HOOK2: variants seen among roughly 807,000 people sequenced by gnomAD.
HOOK2 encodes the protein hook microtubule tethering protein 2.
A neutral mutation model predicts 111.9 loss-of-function variants in HOOK2; 108 were observed. The ratio of observed to expected loss-of-function variants is 0.96; its 90% CI spans 0.83 to 1.13. HOOK2 has a LOEUF of 1.13. Ranked by LOEUF, HOOK2 falls within the 50% of genes most tolerant of loss-of-function variation. The pLI is 0.00. For synonymous variants in HOOK2, 405 were observed against 394.3 expected, an observed-to-expected ratio of 1.03 and a Z score of -0.32; for missense variants, 978 against 951.3, an observed-to-expected ratio of 1.03 and a Z score of -0.37.
Position 12,775,509 on chromosome 19 carries a change from C to T in HOOK2, c.-60G>A. ...CCCGGCGCCGCAGCAGCCTCCGGGTCCGCCACCAGCGAGCGCCCGCAGCCC... is the reference window on the plus strand; with the variant it reads ...CCCGGCGCCGCAGCAGCCTCCGGGTTCGCCACCAGCGAGCGCCCGCAGCCC... On this transcript the variant is annotated 5_prime_UTR_variant, in exon 1 of 23. Coordinates refer to ENST00000397668, the MANE Select transcript of HOOK2 (RefSeq NM_013312.3). The T allele has an allele frequency of 3.8e-6, 6 of 1,564,180 alleles. No individual in the cohort carries two copies. The highest frequency in any genetic ancestry group is 5.2e-6 in the Non-Finnish European group (6 of 1,157,492).
At chr19:12,770,264 A>G (rs2145752326) in intron 10 of HOOK2, among the ~76,000 whole-genome samples, 182 bp from the exon 11 acceptor site, 1 of 152,110 alleles carries the variant, frequency 6.6e-6, no homozygotes, top group East Asian at 1.9e-4. Flanking sequence ...GAGTCATTAC[A>G]GCAATGGTTA....
At chr19:12,788,926 C>T (rs1223158327) in intron 3 of HOOK2, among the ~76,000 whole-genome samples, 1 of 152,030 alleles carries the variant, frequency 6.6e-6, no homozygotes, top group Non-Finnish European at 1.5e-5. Context: ...CAGGGACCCT[C>T]CAAGGACGGG....
At chr19:12,781,936 C>T (rs991611167), upstream of HOOK2, among the ~76,000 whole-genome samples, 1 of 151,978 alleles carries the variant, frequency 6.6e-6, no homozygotes, top group African/African-American at 2.4e-5. Flanking sequence ...AATTCCTGGC[C>T]TCAAGTGATC....
chr19:12,792,197 C>T lies in HOOK2; in HGVS notation n.42-17972G>A, dbSNP rs1167338253. ...GCTTCGCCGACGGCTTTGTCAAAGC[C>T]CTGGACGATCTGCACAAGATGAACC... On this transcript the variant is annotated intron_variant and non_coding_transcript_variant, in intron 3 of 3. Coordinates refer to the HOOK2 transcript ENST00000589765. 7.0e-6 allele frequency: 11 copies of T among 1,574,726 alleles called. No homozygotes were observed. The East Asian group carries it at 2.1e-4, about 30-fold the overall frequency.
At chr19:12,788,395 T>C (rs145223111) in intron 3 of HOOK2, among the ~76,000 whole-genome samples, 120 of 152,304 alleles carry the variant, frequency 7.9e-4, no homozygotes, top group African/African-American at 2.5e-3. Flanking sequence ...CATGTAAGTG[T>C]TGGCTATTAA....
At chr19:12,775,085 T>C (rs1390280770) in intron 1 of HOOK2, 188 bp from the exon 2 acceptor site, 2 of 774,828 alleles carry the variant, frequency 2.6e-6, no homozygotes, top group Admixed American at 6.3e-5. Context: ...ACCTCACCTC[T>C]GCCCAACAAA....
chr19:12,765,794 G>A lies in HOOK2; in HGVS notation c.1605+35C>T, dbSNP rs183306097. ...CCTAATTCTTCCTTCCCAGGGTGAG[G>A]GTAGGGGGTGCCATCCTGGGCCCAT... On this transcript the variant is annotated intron_variant, in intron 17 of 22. Transcript: ENST00000397668. 4.3e-5 allele frequency: 70 copies of A among 1,613,976 alleles called. No homozygotes were observed. The African/African-American group carries it at 8.0e-4, about 18-fold the overall frequency.
intron 6 of HOOK2, 31 bp from the exon 7 acceptor site, chr19:12,772,283 C>G (rs369290981): frequency 6.2e-7 from 1 of 1,608,448 alleles, no homozygotes; most frequent in Middle Eastern, 1.7e-4. Flanking sequence ...TTGTAATGAA[C>G]TGGATATCTG....
upstream of HOOK2, among the ~76,000 whole-genome samples, chr19:12,781,583 C>T (rs1968602980): frequency 6.6e-6 from 1 of 152,086 alleles, no homozygotes; most frequent in Non-Finnish European, 1.5e-5. Flanking sequence ...GCCTTGGCCT[C>T]CCAAAGTGCT....
chr19:12,776,939 C>T (rs916823888), upstream of HOOK2, among the ~76,000 whole-genome samples: 20 of 151,784 alleles, frequency 1.3e-4, no homozygotes, highest in Non-Finnish European at 1.3e-4. Flanking sequence ...AGGCGGATCA[C>T]GAGGTCAGGA....
chr19:12,771,895 A>G (rs1180616920), intron 7 of HOOK2: 9 of 394,122 alleles, frequency 2.3e-5, no homozygotes, highest in Non-Finnish European at 2.7e-5. Context: ...AAAAAAAAAA[A>G]AAAAGAAAAA....
At position 12,767,845 on chromosome 19, in the gene HOOK2, T is replaced by C. The variant is rs376460353; in HGVS notation, c.1274A>G (p.Gln425Arg). 2.5e-6 allele frequency: 4 copies of C among 1,605,240 alleles called. No individual in the cohort carries two copies. Among genetic ancestry groups the C allele is most frequent in the Admixed American group, 3.3e-5 (2 of 59,988 alleles). ...CTGGGTCAACCCCCGCGGCTGCAGC[T>C]GGGCGCAGCGCAGCTCCTCATTGGC... ...REANEELRCA[Q>R]LQPRGLTQAD... Residue 425 changes from glutamine (Q) to arginine (R), a missense_variant, in exon 13 of 23, where the codon CAG becomes CGG. Physicochemically the swap from Gln to Arg is conservative, Grantham distance 43 (BLOSUM62 1). This residue lies in a region of HOOK2 where 388 missense variants were observed against 358.3 expected (regional missense o/e 1.08). Coordinates refer to ENST00000397668, the MANE Select transcript of HOOK2 (RefSeq NM_013312.3).
Position 12,770,095 on chromosome 19 carries a change from G to A in HOOK2, c.903-13C>T. 3 of 1,478,736 alleles carry A rather than the reference G, an allele frequency of 2.0e-6. No homozygotes were observed. The highest frequency in any genetic ancestry group is 2.7e-6 in the Non-Finnish European group (3 of 1,114,808). The allele number at this position is 1,478,736 out of a possible 1,614,324, so 91.6% of individuals were successfully genotyped here. A position where few individuals can be genotyped will look rare whatever the true frequency, so the allele number is the denominator to read the frequency against. On this transcript the variant is annotated splice_polypyrimidine_tract_variant and intron_variant, in intron 10 of 22. Coordinates refer to ENST00000397668, the MANE Select transcript of HOOK2 (RefSeq NM_013312.3). The stretch of plus-strand genomic sequence containing the variant: ...CTCCGAAGACTGCCTAGGGGAGTGG[G>A]AGGGAAGGGGGAGGGCTGAGAGCTC...
chr19:12,775,718 C>G (rs1337191418), upstream of HOOK2: 3 of 354,212 alleles, frequency 8.5e-6, no homozygotes, highest in Non-Finnish European at 1.5e-5. Flanking sequence ...AGGGGTCAGC[C>G]TGGCCCAGCC....
chr19:12,765,835 C>G lies in HOOK2; in HGVS notation c.1600-1G>C. The G allele has an allele frequency of 1.2e-6, 2 of 1,611,142 alleles. No homozygotes were observed. Among genetic ancestry groups the G allele is most frequent in the Non-Finnish European group, 1.7e-6 (2 of 1,177,572 alleles). On this transcript the variant is annotated splice_acceptor_variant, in intron 16 of 22. Transcript: ENST00000397668. LOFTEE classifies it high-confidence loss of function. ...CTGGGCCCATGGTACTTACAATGGC[C>G]TGTATGGGGCATCGGGCAGCATGGG...
In HOOK2 at chr19:12,764,995, T is replaced by C; in HGVS notation, c.1723+4A>G. The stretch of plus-strand genomic sequence containing the variant: ...CCACCCTCTGGTCACTAGGTCCTAC[T>C]TACTGCTGCTGTCAGTGGGTGGCTC... On this transcript the variant is annotated splice_donor_region_variant and intron_variant, in intron 19 of 22. Coordinates refer to ENST00000397668, the MANE Select transcript of HOOK2 (RefSeq NM_013312.3). The C allele has an allele frequency of 1.2e-6, 2 of 1,614,150 alleles. No individual in the cohort carries two copies.
At position 12,790,449 on chromosome 19, in the gene HOOK2, CA is replaced by C; in HGVS notation, n.42-16225del. On this transcript the variant is annotated intron_variant and non_coding_transcript_variant, in intron 3 of 3. Coordinates refer to the HOOK2 transcript ENST00000589765. This position sits in a 1 kb window ranked among gnomAD's most constrained non-coding sequence, Gnocchi z 7.2. Reference sequence around the variant, plus strand: ...CTCTAGGAGCCGACACGGTGTTGGGCAAAGCCCAGGGTCAATAGGGGAGGGT... The same window carrying C: ...CTCTAGGAGCCGACACGGTGTTGGGCAAGCCCAGGGTCAATAGGGGAGGGT... 6.6e-6 allele frequency among the ~76,000 whole-genome samples: 1 copy of C among 152,336 alleles called. No homozygotes were observed.
intron 3 of HOOK2, 129 bp from the exon 4 acceptor site, chr19:12,773,173 C>T: frequency 9.5e-6 from 8 of 837,890 alleles, no homozygotes; most frequent in Non-Finnish European, 1.6e-5. Flanking sequence ...GTGCGCCTTC[C>T]TCTAGGGGTG....
rs566143821 is a variant in HOOK2 at position 12,791,841 on chromosome 19, C to T, written n.42-17616G>A. On this transcript the variant is annotated intron_variant and non_coding_transcript_variant, in intron 3 of 3. Coordinates refer to the HOOK2 transcript ENST00000589765. The surrounding 1 kb of genome is among the most constrained non-coding windows in gnomAD (Gnocchi z 7.0). ...CACAGCTACGGGATACGGCCGGGCC[C>T]CTGGTGGCCTCTCTCTACACGACTA... 42 of 1,613,590 alleles carry T rather than the reference C, an allele frequency of 2.6e-5. 1 individual carries two copies. The South Asian group carries it at 4.3e-4, about 16-fold the overall frequency.
Sources: allele counts gnomAD v4.1 joint callset (sites outside exome capture counted in the v4.1 genomes callset), GRCh38; gene constraint gnomAD v4.1.1; regional missense constraint gnomAD v4.1.1; non-coding constraint Gnocchi (gnomAD v3.1); transcripts MANE v1.5; gene names NCBI Gene and HGNC (gene_info 2026-07-23, HGNC 2026-07-21).